The following BRIP1 variants were observed in gnomAD, a reference collection of about 807,000 sequenced individuals.
BRIP1 encodes Fanconi anemia group J protein.
A neutral mutation model predicts 119.7 loss-of-function variants in BRIP1; 88 were observed. The observed-to-expected ratio is 0.74, with a 90% CI of 0.62 to 0.88. The LOEUF (loss-of-function observed/expected upper bound fraction) is 0.88. Ranked by LOEUF, BRIP1 falls within the 40% of genes least tolerant of loss-of-function variation. The pLI, the probability that BRIP1 is intolerant of heterozygous loss-of-function variation, is 0.00. For synonymous variants in BRIP1, 443 were observed against 496.5 expected (o/e 0.89, Z 1.43); for missense variants, 1,259 against 1,455.4 (o/e 0.87, Z 2.20).
chr17:61,760,538 A>G lies in BRIP1; in HGVS notation c.2097+15863T>C, dbSNP rs1364352313. ...AGATAAATGAAATCAACAAACCTTT[A>G]GCTAGATTAACAAGAAAAAAAGAGA... On this transcript the variant is annotated intron_variant, in intron 14 of 19. Transcript: ENST00000259008. This position sits in a 1 kb window ranked among gnomAD's most constrained non-coding sequence, Gnocchi z 4.6. 6.6e-6 allele frequency among the ~76,000 whole-genome samples: 1 copy of G among 152,020 alleles called. No individual in the cohort carries two copies. Among genetic ancestry groups the G allele is most frequent in the East Asian group, 1.9e-4 (1 of 5,204 alleles).
In BRIP1 at chr17:61,825,129, C is replaced by T. The variant is rs2078385274; in HGVS notation, c.628-16372G>A. Among the ~76,000 whole-genome samples, 1 of 151,784 alleles carries T rather than the reference C, an allele frequency of 6.6e-6. No individual in the cohort carries two copies. Among genetic ancestry groups the T allele is most frequent in the Non-Finnish European group, 1.5e-5 (1 of 67,944 alleles). ...TGAAATCCCGTCTCTACTAAAAATACAAAAAATTAGCTGGGCAAGGTGGCG... is the reference window on the plus strand; with the variant it reads ...TGAAATCCCGTCTCTACTAAAAATATAAAAAATTAGCTGGGCAAGGTGGCG... On this transcript the variant is annotated intron_variant, in intron 6 of 19. Coordinates refer to ENST00000259008, the MANE Select transcript of BRIP1 (RefSeq NM_032043.3). This position sits in a 1 kb window ranked among gnomAD's most constrained non-coding sequence, Gnocchi z 4.1.
At position 61,831,983 on chromosome 17, in the gene BRIP1, C is replaced by T. The variant is rs1263476777; in HGVS notation, c.627+15118G>A. ...GTCTATGAGTCTGGGTTTGTGTACA[C>T]AATACATTGTGTATATTCTCTAGCT... On this transcript the variant is annotated intron_variant, in intron 6 of 19. Coordinates refer to ENST00000259008, the MANE Select transcript of BRIP1 (RefSeq NM_032043.3). The surrounding 1 kb of genome is among the most constrained non-coding windows in gnomAD (Gnocchi z 4.1). Among the ~76,000 whole-genome samples, 1 of 152,052 alleles carries T rather than the reference C, an allele frequency of 6.6e-6. No homozygotes were observed. The highest frequency in any genetic ancestry group is 1.5e-5 in the Non-Finnish European group (1 of 68,016).
rs569757780 is a variant in BRIP1, at chr17:61,802,406, G to C, written c.919-932C>G. 2.0e-5 allele frequency among the ~76,000 whole-genome samples: 3 copies of C among 152,268 alleles called. No homozygotes were observed. Among genetic ancestry groups the C allele is most frequent in the Non-Finnish European group, 4.4e-5 (3 of 68,022 alleles). On this transcript the variant is annotated intron_variant, in intron 7 of 19. Coordinates refer to ENST00000259008, the MANE Select transcript of BRIP1 (RefSeq NM_032043.3). The surrounding 1 kb of genome is among the most constrained non-coding windows in gnomAD (Gnocchi z 6.0). ...GCCCAGGAGTTCGAGGATGCAGTGA[G>C]CCATGATCAAGCCACTGCACTCCGG...
rs575423068 is a variant in BRIP1 at position 61,841,668 on chromosome 17, C to T, written c.627+5433G>A. Among the ~76,000 whole-genome samples the T allele has an allele frequency of 7.2e-4, 109 of 152,198 alleles. 1 individual carries two copies. Among genetic ancestry groups the T allele is most frequent in the African/African-American group, 2.5e-3 (103 of 41,540 alleles). ...TCTCAAAAACCTAAAAATATTACTACCATATAATCATATAATCCAGCAATC... is the reference window on the plus strand; with the variant it reads ...TCTCAAAAACCTAAAAATATTACTATCATATAATCATATAATCCAGCAATC... On this transcript the variant is annotated intron_variant, in intron 6 of 19. Transcript: ENST00000259008. The surrounding 1 kb of genome is among the most constrained non-coding windows in gnomAD (Gnocchi z 4.1).
chr17:61,836,478 G>A (rs1330400339), intron 6 of BRIP1, among the ~76,000 whole-genome samples: 2 of 152,022 alleles, frequency 1.3e-5, no homozygotes, highest in Non-Finnish European at 1.5e-5. Flanking sequence ...TACCCTCTTA[G>A]GTATAAGGAT....
At chr17:61,859,490 C>A (rs2078943961) in intron 3 of BRIP1, among the ~76,000 whole-genome samples, 1 of 152,154 alleles carries the variant, frequency 6.6e-6, no homozygotes, top group Admixed American at 6.5e-5. Context: ...CATCACCATG[C>A]CTGGCTAATT....
chr17:61,713,239 CTG>C lies in BRIP1; in HGVS notation c.2492+2710_2492+2711del, dbSNP rs1603292074. On this transcript the variant is annotated intron_variant, in intron 17 of 19. Coordinates refer to ENST00000259008, the MANE Select transcript of BRIP1 (RefSeq NM_032043.3). The surrounding 1 kb of genome is among the most constrained non-coding windows in gnomAD (Gnocchi z 4.9). ...ATATAATACTTGATAATGATAATAA[CTG>C]TGTTACTGGTTTGTGTATTTACTAT... 6.6e-6 allele frequency among the ~76,000 whole-genome samples: 1 copy of C among 152,100 alleles called. No individual in the cohort carries two copies. The highest frequency in any genetic ancestry group is 6.6e-5 in the Admixed American group (1 of 15,264).
Position 61,760,930 on chromosome 17 carries a change from A to C in BRIP1, c.2097+15471T>G, listed in dbSNP as rs1283783898. On this transcript the variant is annotated intron_variant, in intron 14 of 19. Transcript: ENST00000259008. This position sits in a 1 kb window ranked among gnomAD's most constrained non-coding sequence, Gnocchi z 4.6. ...GACCAGCATTATCACCCTGATACCA[A>C]GGCCAGATAAGGACAATACAAGAAA... is the stretch of plus-strand genomic sequence containing the variant. 1.3e-5 allele frequency among the ~76,000 whole-genome samples: 2 copies of C among 152,078 alleles called. No individual in the cohort carries two copies. The highest frequency in any genetic ancestry group is 4.8e-5 in the African/African-American group (2 of 41,456).
At position 61,752,667 on chromosome 17, in the gene BRIP1, G is replaced by C. The variant is rs1226560309; in HGVS notation, c.2098-8076C>G. On this transcript the variant is annotated intron_variant, in intron 14 of 19. Coordinates refer to ENST00000259008, the MANE Select transcript of BRIP1 (RefSeq NM_032043.3). This position sits in a 1 kb window ranked among gnomAD's most constrained non-coding sequence, Gnocchi z 6.2. ...TGAATCCTTAAATGCTCTCTGAATA[G>C]GCCAATCATCATACTTTTTCTTCAT... Among the ~76,000 whole-genome samples the C allele has an allele frequency of 2.0e-5, 3 of 152,082 alleles. No homozygotes were observed. Among genetic ancestry groups the C allele is most frequent in the African/African-American group, 7.2e-5 (3 of 41,414 alleles).
chr17:61,825,460 T>C lies in BRIP1; in HGVS notation c.628-16703A>G, dbSNP rs2078391653. Among the ~76,000 whole-genome samples, 1 of 151,874 alleles carries C rather than the reference T, an allele frequency of 6.6e-6. No homozygotes were observed. Among genetic ancestry groups the C allele is most frequent in the African/African-American group, 2.4e-5 (1 of 41,352 alleles). On this transcript the variant is annotated intron_variant, in intron 6 of 19. Coordinates refer to ENST00000259008, the MANE Select transcript of BRIP1 (RefSeq NM_032043.3). The surrounding 1 kb of genome is among the most constrained non-coding windows in gnomAD (Gnocchi z 4.1). ...TCCCTCTTTGCAGATGACATGATCC[T>C]ATATCTAGAAAACTCCACAGTCTCA...
rs747622456 is a variant in BRIP1 at position 61,716,027 on chromosome 17, T to C, written c.2416A>G (p.Lys806Glu). Reference protein sequence around the residue: ...LKRQYNDHHSKLRGLLPGRQW... With the variant: ...LKRQYNDHHSELRGLLPGRQW... ...CGGCCAGGTAGAAGACCTCTCAATTTTGAATGGTGGTCATTGTATTGTCGT... is the reference window on the plus strand; with the variant it reads ...CGGCCAGGTAGAAGACCTCTCAATTCTGAATGGTGGTCATTGTATTGTCGT... Residue 806 changes from lysine (K) to glutamate (E), a missense_variant, in exon 17 of 20, where the codon AAA (lysine) becomes GAA (glutamate). This residue lies in a region of BRIP1 where 753 missense variants were observed against 891.8 expected (regional missense o/e 0.84). Coordinates refer to ENST00000259008, the MANE Select transcript of BRIP1 (RefSeq NM_032043.3). 6.2e-7 allele frequency: 1 copy of C among 1,607,442 alleles called. No homozygotes were observed. Among genetic ancestry groups the C allele is most frequent in the Non-Finnish European group, 8.5e-7 (1 of 1,176,292 alleles).
At chr17:61,741,306 A>G (rs1300912715) in intron 16 of BRIP1, among the ~76,000 whole-genome samples, 1 of 152,100 alleles carries the variant, frequency 6.6e-6, no homozygotes, top group African/African-American at 2.4e-5. Flanking sequence ...TGAACTCTTA[A>G]CTCCCTCAGA....
chr17:61,685,871 G>A lies in BRIP1; in HGVS notation c.2870C>T (p.Pro957Leu), dbSNP rs786203077. The A allele has an allele frequency of 1.2e-6, 2 of 1,613,442 alleles. No individual in the cohort carries two copies. Among genetic ancestry groups the A allele is most frequent in the Non-Finnish European group, 8.5e-7 (1 of 1,179,680 alleles). ...TCTGGAGATAATGCTACTTGGTAGA[G>A]GTGAATTTTTGGTAATAATTTTAGG... Reference protein sequence around the residue: ...QCPKIITKNSPLPSSIISRKE... With the variant: ...QCPKIITKNSLLPSSIISRKE... The change falls in exon 19 of 20, where the codon CCT (proline) becomes CTT (leucine). Residue 957 changes from proline (P) to leucine (L), a missense_variant. By Grantham distance (98) the Pro-to-Leu change is moderately conservative. This residue lies in a region of BRIP1 where 753 missense variants were observed against 891.8 expected (regional missense o/e 0.84). Coordinates refer to ENST00000259008, the MANE Select transcript of BRIP1 (RefSeq NM_032043.3).
chr17:61,749,022 A>G (rs2077097459), intron 14 of BRIP1, among the ~76,000 whole-genome samples: 2 of 152,150 alleles, frequency 1.3e-5, no homozygotes, highest in Middle Eastern at 6.8e-3. Context: ...CTGTAGTCCC[A>G]GCTACTCGGG....
intron 6 of BRIP1, among the ~76,000 whole-genome samples, chr17:61,811,521 C>A (rs2078162097): frequency 6.6e-6 from 1 of 151,612 alleles, no homozygotes; most frequent in South Asian, 2.1e-4. Flanking sequence ...CCATGCCCGG[C>A]CAAGAAGATG....
chr17:61,842,701 T>A lies in BRIP1; in HGVS notation c.627+4400A>T, dbSNP rs1327657793. On this transcript the variant is annotated intron_variant, in intron 6 of 19. Transcript: ENST00000259008. This position sits in a 1 kb window ranked among gnomAD's most constrained non-coding sequence, Gnocchi z 5.1. ...GGTAAGAACTACAAATATGTATCCA[T>A]CTGCTGCTGTTACTACTACTACAGC... 1.3e-5 allele frequency among the ~76,000 whole-genome samples: 2 copies of A among 152,222 alleles called. No individual in the cohort carries two copies. Among genetic ancestry groups the A allele is most frequent in the African/African-American group, 4.8e-5 (2 of 41,462 alleles).
intron 14 of BRIP1, among the ~76,000 whole-genome samples, chr17:61,749,134 T>A (rs202072783): frequency 1.4e-5 from 2 of 144,766 alleles, no homozygotes; most frequent in Non-Finnish European, 1.5e-5. Flanking sequence ...AGACTCTGTC[T>A]AAAAAAAAAA....
chr17:61,776,690 G>GT lies in BRIP1; in HGVS notation c.1936-129dup. 1.0e-6 allele frequency: 1 copy of GT among 979,698 alleles called. No homozygotes were observed. Among genetic ancestry groups the GT allele is most frequent in the African/African-American group, 1.6e-5 (1 of 61,444 alleles). The allele number at this position is 979,698 out of a possible 1,614,324, so 60.7% of individuals were successfully genotyped here. On this transcript the variant is annotated intron_variant, in intron 13 of 19. Transcript: ENST00000259008. The surrounding 1 kb of genome is among the most constrained non-coding windows in gnomAD (Gnocchi z 5.0). ...CAATTTATTTTTAAATTGTCAGGGG[G>GT]TTTTCTATTACCTTCAATTAACTGT...
rs2061384924 is a variant in BRIP1 at position 61,687,947 on chromosome 17, C to G, written c.2576-1782G>C. Among the ~76,000 whole-genome samples, 1 of 152,276 alleles carries G rather than the reference C, an allele frequency of 6.6e-6. No homozygotes were observed. Among genetic ancestry groups the G allele is most frequent in the African/African-American group, 2.4e-5 (1 of 41,564 alleles). ...GACATGAGCTGGCATACCCTACATG[C>G]CCAGGGGCCACTAAGAACAAAAGCG... On this transcript the variant is annotated intron_variant, in intron 18 of 19. Transcript: ENST00000259008. The surrounding 1 kb of genome is among the most constrained non-coding windows in gnomAD (Gnocchi z 5.1).
Sources: gnomAD v4.1 joint callset for allele counts (sites outside exome capture counted in the v4.1 genomes callset) on GRCh38, gnomAD v4.1.1 for gene constraint, gnomAD v4.1.1 regional missense constraint, Gnocchi (gnomAD v3.1) non-coding constraint, MANE v1.5 for transcripts, NCBI Gene and HGNC (gene_info 2026-07-23, HGNC 2026-07-21) for gene names.